NPAS3: variants seen among roughly 807,000 people sequenced by gnomAD.
The protein encoded by NPAS3 is neuronal PAS domain protein 3.
NPAS3 carries 14 observed loss-of-function variants against 73.1 expected under a neutral mutation model. The ratio of observed to expected loss-of-function variants is 0.19; its 90% CI spans 0.13 to 0.30. NPAS3 has a LOEUF of 0.30. Among genes scored for constraint, NPAS3 ranks in the 10% least tolerant of loss-of-function variants. The pLI is 1.00. For missense variants in NPAS3, 1,096 were observed against 1,250.0 expected (o/e 0.88, Z 1.86); for synonymous variants, 620 against 541.5 (o/e 1.14, Z -2.01).
intron 4 of NPAS3, among the ~76,000 whole-genome samples, chr14:33,502,287 CT>C (rs1441439455): frequency 2.7e-5 from 4 of 150,470 alleles, no homozygotes; most frequent in Non-Finnish European, 4.4e-5. Flanking sequence ...TTTTTTAACA[CT>C]TTGGCTTTTT....
intron 1 of NPAS3, among the ~76,000 whole-genome samples, chr14:32,949,494 C>G (rs569227019): frequency 1.3e-5 from 2 of 151,910 alleles, no homozygotes; most frequent in Non-Finnish European, 2.9e-5. Context: ...ACTTATTGCT[C>G]TGATATGTGA....
chr14:33,651,347 T>C (rs2058988327), intron 5 of NPAS3, among the ~76,000 whole-genome samples: 1 of 152,192 alleles, frequency 6.6e-6, no homozygotes, highest in African/African-American at 2.4e-5. Flanking sequence ...TCACTGTTCA[T>C]AGGCTAGGTG....
At chr14:33,229,981 G>A (rs1034888105) in intron 3 of NPAS3, among the ~76,000 whole-genome samples, 4 of 152,196 alleles carry the variant, frequency 2.6e-5, no homozygotes, top group African/African-American at 9.6e-5. Flanking sequence ...GCCCTGAAAC[G>A]AGGTAAGGCA....
chr14:33,221,743 CTAT>C (rs890791376), intron 3 of NPAS3, among the ~76,000 whole-genome samples: 3 of 152,078 alleles, frequency 2.0e-5, no homozygotes, highest in African/African-American at 7.2e-5. Context: ...TCTATCGCCA[CTAT>C]TACCTTATTT....
intron 4 of NPAS3, among the ~76,000 whole-genome samples, chr14:33,515,548 C>T (rs113763002): frequency 4.6e-5 from 7 of 152,146 alleles, no homozygotes; most frequent in Non-Finnish European, 5.9e-5. Flanking sequence ...TTGTCTGTGC[C>T]GCTTTCACTC....
intron 5 of NPAS3, among the ~76,000 whole-genome samples, chr14:33,568,951 TAGC>T (rs2056089336): frequency 6.6e-6 from 1 of 152,204 alleles, no homozygotes. Flanking sequence ...AAGAGACTGA[TAGC>T]AGTTGAATTA....
At chr14:33,342,369 T>A (rs1014153673) in intron 3 of NPAS3, among the ~76,000 whole-genome samples, 5 of 152,230 alleles carry the variant, frequency 3.3e-5, no homozygotes, top group African/African-American at 1.2e-4. Context: ...CATACATCGG[T>A]GGCCACAGAA....
rs1196140273 is a variant in NPAS3 at position 33,508,437 on chromosome 14, G to C, written c.469-51684G>C. ...GTACGAAGATGTAAGTTTGAGGAGGGATAGATAGCCAGCCAAAACCAGATT... is the reference window on the plus strand; with the variant it reads ...GTACGAAGATGTAAGTTTGAGGAGGCATAGATAGCCAGCCAAAACCAGATT... On this transcript the variant is annotated intron_variant, in intron 4 of 11. Coordinates refer to ENST00000356141, the Ensembl canonical transcript of NPAS3. 3.3e-5 allele frequency among the ~76,000 whole-genome samples: 5 copies of C among 152,136 alleles called. No individual in the cohort carries two copies. The East Asian group carries it at 9.7e-4, about 30-fold the overall frequency.
intron 4 of NPAS3, among the ~76,000 whole-genome samples, chr14:33,542,846 G>A (rs1412098953): frequency 6.6e-6 from 1 of 152,206 alleles, no homozygotes; most frequent in African/African-American, 2.4e-5. Flanking sequence ...CACAGACACT[G>A]TGACCACTGC....
chr14:33,064,489 G>T (rs1363220109), intron 2 of NPAS3, among the ~76,000 whole-genome samples: 1 of 152,154 alleles, frequency 6.6e-6, no homozygotes, highest in African/African-American at 2.4e-5. Context: ...GGAGCTCACA[G>T]AGCAGGCTTT....
At chr14:33,271,959 CTGTTT>C (rs2041109560) in intron 3 of NPAS3, among the ~76,000 whole-genome samples, 1 of 151,992 alleles carries the variant, frequency 6.6e-6, no homozygotes, top group African/African-American at 2.4e-5. Context: ...TGATATTGTT[CTGTTT>C]TTTCTTTTTT....
At chr14:33,311,753 C>T (rs1055366872) in intron 3 of NPAS3, among the ~76,000 whole-genome samples, 5 of 151,858 alleles carry the variant, frequency 3.3e-5, no homozygotes, top group African/African-American at 1.2e-4. Context: ...GTGGTGGAGG[C>T]GGGAAAAGGA....
intron 4 of NPAS3, among the ~76,000 whole-genome samples, chr14:33,557,292 G>A (rs2055403453): frequency 6.6e-6 from 1 of 152,148 alleles, no homozygotes; most frequent in African/African-American, 2.4e-5. Flanking sequence ...CCAAAAGCTG[G>A]TTCCATGGGA....
intron 4 of NPAS3, among the ~76,000 whole-genome samples, chr14:33,482,465 C>T (rs1327014810): frequency 6.6e-6 from 1 of 152,024 alleles, no homozygotes; most frequent in Non-Finnish European, 1.5e-5. Flanking sequence ...AAATGTCTTC[C>T]CAGTGCTTTG....
At chr14:32,954,771 A>T (rs999908303) in intron 1 of NPAS3, among the ~76,000 whole-genome samples, 4 of 152,092 alleles carry the variant, frequency 2.6e-5, no homozygotes, top group African/African-American at 9.7e-5. Flanking sequence ...TCATCACCTT[A>T]CTTATCTTCT....
intron 2 of NPAS3, among the ~76,000 whole-genome samples, chr14:33,092,838 T>C (rs1044321957): frequency 6.6e-6 from 1 of 152,148 alleles, no homozygotes; most frequent in Non-Finnish European, 1.5e-5. Context: ...ATCTGATCTT[T>C]GACAAACCTG....
chr14:33,318,190 C>G (rs1185504790), intron 3 of NPAS3, among the ~76,000 whole-genome samples: 1 of 152,034 alleles, frequency 6.6e-6, no homozygotes, highest in Non-Finnish European at 1.5e-5. Flanking sequence ...CTGACACATG[C>G]TACAACGTCT....
intron 2 of NPAS3, among the ~76,000 whole-genome samples, chr14:33,179,678 T>G (rs930605381): frequency 6.6e-6 from 1 of 152,184 alleles, no homozygotes. Flanking sequence ...GGAATAATAG[T>G]GGCTACAACT....
chr14:32,947,588 C>CAT (rs907036022), intron 1 of NPAS3, among the ~76,000 whole-genome samples: 19 of 151,754 alleles, frequency 1.3e-4, no homozygotes, highest in Non-Finnish European at 2.6e-4. Context: ...ATGATACACA[C>CAT]ATATATATAC....
Sources: allele counts gnomAD v4.1 joint callset (sites outside exome capture counted in the v4.1 genomes callset), GRCh38; gene constraint gnomAD v4.1.1; transcripts MANE v1.5; gene names NCBI Gene and HGNC (gene_info 2026-07-23, HGNC 2026-07-21).